The following C1QB variants were observed in gnomAD, a reference collection of about 807,000 sequenced individuals.
The protein encoded by C1QB is complement C1q subcomponent subunit B.
Under a neutral mutation model 4.6 loss-of-function variants are expected in C1QB, and 2 were observed. The ratio of observed to expected loss-of-function variants is 0.43; its 90% CI spans 0.18 to 1.36. C1QB has a LOEUF of 1.36. C1QB is among the 40% of genes most tolerant of loss of function. The pLI is 0.28. For synonymous variants in C1QB, 132 were observed against 137.1 expected, an observed-to-expected ratio of 0.96 and a Z score of 0.26; for missense variants, 292 against 338.0, an observed-to-expected ratio of 0.86 and a Z score of 1.07.
chr1:22,661,596 A>C lies in C1QB; in HGVS notation c.*210A>C. The C allele has an allele frequency of 4.9e-6, 3 of 618,182 alleles. No homozygotes were observed. The South Asian group carries it at 5.6e-5, about 12-fold the overall frequency. The allele number at this position is 618,182 out of a possible 1,614,324, so 38.3% of individuals were successfully genotyped here. ...GGCACACCAGAAGTGCCATGCTCAG[A>C]AATGTTGGTTACATGAATGAATGAA... is the stretch of plus-strand genomic sequence containing the variant. On this transcript the variant is annotated 3_prime_UTR_variant, in exon 3 of 3. Coordinates refer to ENST00000509305, the MANE Select transcript of C1QB (RefSeq NM_001378156.1).
At chr1:22,659,248 A>G (rs1394929934) in intron 1 of C1QB, among the ~76,000 whole-genome samples, 192 bp from the exon 2 acceptor site, 2 of 143,316 alleles carry the variant, frequency 1.4e-5, no homozygotes, top group African/African-American at 5.6e-5. Context: ...GGAGGGATAG[A>G]GAGATGGATG....
chr1:22,656,540 A>G (rs1229708471), intron 1 of C1QB, among the ~76,000 whole-genome samples: 1 of 152,108 alleles, frequency 6.6e-6, no homozygotes, highest in Non-Finnish European at 1.5e-5. Flanking sequence ...ACCAAATTGT[A>G]GTGTGTAAGT....
Position 22,661,410 on chromosome 1 carries a change from C to G in C1QB, c.*24C>G, listed in dbSNP as rs2148306617. 1.9e-6 allele frequency: 3 copies of G among 1,613,164 alleles called. No individual in the cohort carries two copies. The East Asian group carries it at 6.7e-5, about 36-fold the overall frequency. ...GACCTGTGGGCTGCTTCACATCCAC[C>G]CCGGCTCCCCCTGCCAGCAACGCTC... On this transcript the variant is annotated 3_prime_UTR_variant, in exon 3 of 3. Transcript: ENST00000509305.
chr1:22,654,531 G>A (rs1642498622), intron 1 of C1QB, among the ~76,000 whole-genome samples: 1 of 152,146 alleles, frequency 6.6e-6, no homozygotes, highest in African/African-American at 2.4e-5. Flanking sequence ...GGATGACAGT[G>A]ATAATAATAA....
chr1:22,661,544 C>G lies in C1QB; in HGVS notation c.*158C>G, dbSNP rs1228334537. On this transcript the variant is annotated 3_prime_UTR_variant, in exon 3 of 3. Transcript: ENST00000509305. The stretch of plus-strand genomic sequence containing the variant: ...CTCTTCAAGGCCAAGGGACAGTGGT[C>G]TAATTCAACTCTGTGTCCCAGCACC... The G allele has an allele frequency of 8.6e-6, 7 of 810,154 alleles. No homozygotes were observed. Among genetic ancestry groups the G allele is most frequent in the African/African-American group, 1.7e-5 (1 of 58,852 alleles). 50.2% of individuals were successfully genotyped at this position (810,154 alleles called of 1,614,324 possible).
rs1342831016 is a variant in C1QB at position 22,660,981 on chromosome 1, C to T, written c.351C>T (p.Thr117=). 2 of 1,613,982 alleles carry T rather than the reference C, an allele frequency of 1.2e-6. No individual in the cohort carries two copies. The highest frequency in any genetic ancestry group is 4.5e-5 in the East Asian group (2 of 44,814). Residue 117 remains threonine, a synonymous_variant, in exon 3 of 3, where the codon ACC becomes ACT. Transcript: ENST00000509305. The part of the protein sequence containing the change: ...PKGESGDYKA[T]QKIAFSATRT... ...GTGAATCGGGAGACTACAAGGCCACCCAGAAAATCGCCTTCTCTGCCACAA... is the reference window on the plus strand; with the variant it reads ...GTGAATCGGGAGACTACAAGGCCACTCAGAAAATCGCCTTCTCTGCCACAA...
chr1:22,657,320 C>T (rs1356128609), intron 1 of C1QB, among the ~76,000 whole-genome samples: 1 of 152,150 alleles, frequency 6.6e-6, no homozygotes, highest in East Asian at 1.9e-4. Flanking sequence ...TAGGAGTTGT[C>T]TGCCAGGAAA....
chr1:22,656,995 C>T (rs569075202), intron 1 of C1QB, among the ~76,000 whole-genome samples: 2 of 152,248 alleles, frequency 1.3e-5, no homozygotes, highest in South Asian at 2.1e-4. Context: ...ATGCCCAGGT[C>T]CCTGGGCATG....
At chr1:22,653,853 G>A (rs942222847) in intron 1 of C1QB, among the ~76,000 whole-genome samples, 5 of 152,182 alleles carry the variant, frequency 3.3e-5, no homozygotes, top group African/African-American at 1.2e-4. Flanking sequence ...CTCTTCCAAA[G>A]AAATAAGGGG....
At chr1:22,660,729 G>T in intron 2 of C1QB, 83 bp from the exon 3 acceptor site, 1 of 1,385,874 alleles carries the variant, frequency 7.2e-7, no homozygotes, top group Non-Finnish European at 1.0e-6. Context: ...CTCAGAGAGA[G>T]GCAGGGCCCT....
chr1:22,655,005 A>G (rs768641375), intron 1 of C1QB, among the ~76,000 whole-genome samples: 1 of 152,202 alleles, frequency 6.6e-6, no homozygotes, highest in Non-Finnish European at 1.5e-5. Context: ...TCCCAGCCAC[A>G]CAGGAGCTGT....
rs184783763 is a variant in C1QB at position 22,659,641 on chromosome 1, A to G, written c.179A>G (p.Lys60Arg). The change falls in exon 2 of 3, where the codon AAA becomes AGA. Residue 60 changes from lysine to arginine, a missense_variant and splice_region_variant. Transcript: ENST00000509305. ...QPGTPGIKGE[K>R]GLPGLAGDHG... ...GGGACCCCAGGGATAAAAGGAGAGA[A>G]AGGTACCATGGGATTTAGCAGGACA... 1.2e-6 allele frequency: 2 copies of G among 1,611,758 alleles called. No individual in the cohort carries two copies. The highest frequency in any genetic ancestry group is 3.4e-5 in the Admixed American group (2 of 59,700).
chr1:22,653,618 A>C (rs1642485763), intron 1 of C1QB, among the ~76,000 whole-genome samples: 1 of 152,130 alleles, frequency 6.6e-6, no homozygotes, highest in Non-Finnish European at 1.5e-5. Flanking sequence ...TGGGCAAGTC[A>C]CCTAACCTCT....
At chr1:22,659,178 G>C (rs1642578072) in intron 1 of C1QB, among the ~76,000 whole-genome samples, 1 of 150,282 alleles carries the variant, frequency 6.7e-6, no homozygotes, top group Non-Finnish European at 1.5e-5. Flanking sequence ...AGAGATGGAT[G>C]GATGGATGGT....
chr1:22,659,146 A>G (rs1642576479), intron 1 of C1QB, among the ~76,000 whole-genome samples: 1 of 141,762 alleles, frequency 7.1e-6, no homozygotes, highest in South Asian at 2.4e-4. Context: ...GGATGAATGG[A>G]TGGATGCAGA....
chr1:22,656,242 A>G (rs556723384), intron 1 of C1QB, among the ~76,000 whole-genome samples: 1 of 152,336 alleles, frequency 6.6e-6, no homozygotes, highest in East Asian at 1.9e-4. Flanking sequence ...AATTGCCATA[A>G]GCGGTAATTC....
rs541349745 is a variant in C1QB at position 22,654,614 on chromosome 1, T to C, written c.-24+1311T>C. ...AAGCTGTAACTCATGTCCTCGCACA[T>C]ACCCTATGAGGGAGAGAGTAGCATT... On this transcript the variant is annotated intron_variant, in intron 1 of 2. Coordinates refer to ENST00000509305, the MANE Select transcript of C1QB (RefSeq NM_001378156.1). Among the ~76,000 whole-genome samples, 81 of 152,286 alleles carry C rather than the reference T, an allele frequency of 5.3e-4. 1 individual carries two copies. Among genetic ancestry groups the C allele is most frequent in the African/African-American group, 1.7e-3 (71 of 41,562 alleles).
intron 1 of C1QB, among the ~76,000 whole-genome samples, chr1:22,657,970 T>C (rs770026544): frequency 6.6e-6 from 1 of 152,314 alleles, no homozygotes; most frequent in Non-Finnish European, 1.5e-5. Flanking sequence ...CCTGGTATGC[T>C]GGCAGGGACA....
intron 1 of C1QB, among the ~76,000 whole-genome samples, 175 bp from the exon 2 acceptor site, chr1:22,659,265 T>C (rs1301325169): frequency 2.9e-5 from 4 of 138,404 alleles, no homozygotes; most frequent in Non-Finnish European, 6.1e-5. Flanking sequence ...GATGGATGGA[T>C]GGACGGATGC....
Sources: allele counts gnomAD v4.1 joint callset (sites outside exome capture counted in the v4.1 genomes callset), GRCh38; gene constraint gnomAD v4.1.1; transcripts MANE v1.5; gene names NCBI Gene and HGNC (gene_info 2026-07-23, HGNC 2026-07-21).